The following RIN3 variants were observed in gnomAD, a reference collection of about 807,000 sequenced individuals.
RIN3 encodes the protein RAB5 interacting protein 3.
Under a neutral mutation model 76.3 loss-of-function variants are expected in RIN3, and 54 were observed. That is an observed-to-expected ratio of 0.71 (90% CI 0.57 to 0.89). RIN3 has a LOEUF of 0.89. Among genes scored for constraint, RIN3 ranks in the 40% least tolerant of loss-of-function variants. The probability of loss-of-function intolerance (pLI) is 0.00; values close to 1 mark genes in which losing one functional copy is unlikely to be tolerated. For missense variants in RIN3, 1,256 were observed against 1,322.1 expected, an observed-to-expected ratio of 0.95 and a Z score of 0.78; for synonymous variants, 576 against 564.0, an observed-to-expected ratio of 1.02 and a Z score of -0.30.
At chr14:92,546,150 C>T (rs755077152) in intron 1 of RIN3, among the ~76,000 whole-genome samples, 10 of 152,062 alleles carry the variant, frequency 6.6e-5, no homozygotes, top group Admixed American at 2.6e-4. Context: ...GTCTTGAACT[C>T]GTGACCTCAA....
chr14:92,602,864 T>A (rs551249129), intron 3 of RIN3, among the ~76,000 whole-genome samples: 1 of 152,174 alleles, frequency 6.6e-6, no homozygotes, highest in African/African-American at 2.4e-5. Context: ...TTTCCCCATC[T>A]GTGCCATGGG....
Position 92,651,719 on chromosome 14 carries a change from G to C in RIN3, c.670G>C (p.Glu224Gln), listed in dbSNP as rs150422728. 2.6e-5 allele frequency: 42 copies of C among 1,613,914 alleles called. No homozygotes were observed. The highest frequency in any genetic ancestry group is 4.0e-5 in the African/African-American group (3 of 74,876). The change falls in exon 6 of 10, where the codon GAG (glutamate) becomes CAG (glutamine). Residue 224 changes from glutamate to glutamine, a missense_variant. Transcript: ENST00000216487. ...AHDANCACEI[E>Q]LSVGNDRLWF... Reference sequence around the variant, plus strand: ...TGACGCAAACTGTGCCTGTGAAATCGAGCTGTCGGTAGGAAATGACCGCCT... The same window carrying C: ...TGACGCAAACTGTGCCTGTGAAATCCAGCTGTCGGTAGGAAATGACCGCCT...
intron 1 of RIN3, among the ~76,000 whole-genome samples, chr14:92,525,808 T>A (rs1188698549): frequency 6.6e-6 from 1 of 152,196 alleles, no homozygotes; most frequent in African/African-American, 2.4e-5. Context: ...CCCATCCTTG[T>A]CCCAGGGACC....
rs574146204 is a variant in RIN3 at position 92,688,183 on chromosome 14, G to T, written c.2889G>T (p.Leu963=). ...ACTTCCACTTTGTCTACCGGCCCCTGGACGGTGGTGGCGGCGGCGGCGGCG... is the reference window on the plus strand; with the variant it reads ...ACTTCCACTTTGTCTACCGGCCCCTTGACGGTGGTGGCGGCGGCGGCGGCG... ...KRDFHFVYRP[L]DGGGGGGGGS... Residue 963 remains leucine (L), a synonymous_variant, in exon 10 of 10, where the codon CTG becomes CTT. Transcript: ENST00000216487. 52 of 1,555,396 alleles carry T rather than the reference G, an allele frequency of 3.3e-5. No homozygotes were observed. In the South Asian group the frequency reaches 5.8e-4, roughly 17 times the overall value.
intron 3 of RIN3, among the ~76,000 whole-genome samples, chr14:92,607,327 T>C (rs1885561713): frequency 6.6e-6 from 1 of 152,272 alleles, no homozygotes; most frequent in Non-Finnish European, 1.5e-5. Flanking sequence ...GTGGCCTCTC[T>C]GGAAAGGAGT....
Position 92,653,077 on chromosome 14 carries a change from T to C in RIN3, c.2026+2T>C. 6.3e-7 allele frequency: 1 copy of C among 1,597,896 alleles called. No individual in the cohort carries two copies. The highest frequency in any genetic ancestry group is 8.5e-7 in the Non-Finnish European group (1 of 1,177,200). On this transcript the variant is annotated splice_donor_variant, in intron 6 of 9. Transcript: ENST00000216487. LOFTEE classifies it high-confidence loss of function. ...CCCTGCACTCCGAGGAGGAGCTCGG[T>C]CAGTGCCCTGGGAGGAGGTGGCAGG...
At chr14:92,558,872 T>TTTTTC (rs1332367227) in intron 2 of RIN3, among the ~76,000 whole-genome samples, 3 of 145,054 alleles carry the variant, frequency 2.1e-5, no homozygotes, top group African/African-American at 7.8e-5. Flanking sequence ...TTCCTTTTGT[T>TTTTTC]TTTTCTTTTC....
In RIN3 at chr14:92,639,231, A is replaced by G. The variant is rs77606163; in HGVS notation, c.441-2007A>G. On this transcript the variant is annotated intron_variant, in intron 4 of 9. Coordinates refer to ENST00000216487, the MANE Select transcript of RIN3 (RefSeq NM_024832.5). Reference sequence around the variant, plus strand: ...ATGAGGTGCAGACAGCAAAGCCATGAAGACCCCAGGGAGGAGGTAGCTCTG... The same window carrying G: ...ATGAGGTGCAGACAGCAAAGCCATGGAGACCCCAGGGAGGAGGTAGCTCTG... Among the ~76,000 whole-genome samples, 189 of 152,354 alleles carry G rather than the reference A, an allele frequency of 1.2e-3. 2 individuals are homozygous for G. In the East Asian group the frequency reaches 0.033, roughly 27 times the overall value.
intron 1 of RIN3, among the ~76,000 whole-genome samples, chr14:92,524,455 C>G (rs990239886): frequency 6.6e-6 from 1 of 152,200 alleles, no homozygotes; most frequent in Non-Finnish European, 1.5e-5. Flanking sequence ...ACTTGAATTC[C>G]CCTTTCCAGG....
At chr14:92,636,316 C>T (rs1215864840) in intron 4 of RIN3, among the ~76,000 whole-genome samples, 1 of 152,176 alleles carries the variant, frequency 6.6e-6, no homozygotes, top group African/African-American at 2.4e-5. Context: ...CTGGGCACAG[C>T]GGCTCACGCC....
At chr14:92,527,266 A>G (rs182412157) in intron 1 of RIN3, among the ~76,000 whole-genome samples, 9,964 of 151,486 alleles carry the variant, frequency 0.066, 1,094 homozygotes, top group African/African-American at 0.23. Context: ...GTTAGCCACA[A>G]TGGTCTCGAT....
intron 3 of RIN3, among the ~76,000 whole-genome samples, chr14:92,613,659 G>C (rs1230172166): frequency 2.0e-5 from 3 of 152,166 alleles, no homozygotes; most frequent in African/African-American, 7.2e-5. Context: ...TGTGCGTGTG[G>C]CTTTAGGGAA....
intron 1 of RIN3, among the ~76,000 whole-genome samples, chr14:92,548,869 A>G (rs578172200): frequency 6.6e-6 from 1 of 152,122 alleles, no homozygotes; most frequent in South Asian, 2.1e-4. Flanking sequence ...GACACAATTC[A>G]ACCTCTGAGG....
Position 92,652,189 on chromosome 14 carries a change from G to T in RIN3, c.1140G>T (p.Lys380Asn). The T allele has an allele frequency of 6.2e-7, 1 of 1,605,296 alleles. No individual in the cohort carries two copies. The highest frequency in any genetic ancestry group is 1.1e-5 in the South Asian group (1 of 90,668). ...QVPAPPLPAK[K>N]NLPTAPPRRR... ...CCGCCCCGCCACTGCCTGCGAAGAA[G>T]AACCTTCCCACTGCCCCTCCCAGAC... The change falls in exon 6 of 10, where the codon AAG becomes AAT. Residue 380 changes from lysine (K) to asparagine (N), a missense_variant. Lys to Asn is a moderately conservative substitution (Grantham distance 94). Transcript: ENST00000216487. The surrounding 1 kb of genome is among the most constrained non-coding windows in gnomAD (Gnocchi z 6.4).
At chr14:92,541,183 G>T (rs1897123718) in intron 1 of RIN3, among the ~76,000 whole-genome samples, 1 of 152,206 alleles carries the variant, frequency 6.6e-6, no homozygotes, top group Admixed American at 6.5e-5. Flanking sequence ...TCTTGTAATG[G>T]TTACAGCATT....
At position 92,641,225 on chromosome 14, in the gene RIN3, C is replaced by T. The variant is rs773677484; in HGVS notation, c.441-13C>T. The stretch of plus-strand genomic sequence containing the variant: ...GGACCCAGACATGACTTCTGCCCCT[C>T]GTGTCTTCACAGAGACTTACTGCCC... On this transcript the variant is annotated splice_polypyrimidine_tract_variant and intron_variant, in intron 4 of 9. Transcript: ENST00000216487. 24 of 1,601,456 alleles carry T rather than the reference C, an allele frequency of 1.5e-5. No homozygotes were observed. The highest frequency in any genetic ancestry group is 1.7e-5 in the Non-Finnish European group (20 of 1,168,494).
intron 3 of RIN3, among the ~76,000 whole-genome samples, chr14:92,605,944 A>G (rs1333625397): frequency 1.3e-5 from 2 of 152,178 alleles, no homozygotes; most frequent in East Asian, 3.8e-4. Flanking sequence ...TTATGTGCCT[A>G]CTATTTTCCA....
chr14:92,565,475 A>G (rs570382191), intron 2 of RIN3, among the ~76,000 whole-genome samples: 1 of 152,350 alleles, frequency 6.6e-6, no homozygotes, highest in African/African-American at 2.4e-5. Context: ...CTCCATGGGC[A>G]GAGCAGCAGC....
intron 4 of RIN3, among the ~76,000 whole-genome samples, chr14:92,634,079 T>C (rs1314464547): frequency 2.3e-5 from 2 of 85,888 alleles, no homozygotes; most frequent in Non-Finnish European, 4.5e-5. Context: ...TTTTTTTTTT[T>C]TTTTTTTTTT....
Sources: allele counts gnomAD v4.1 joint callset (sites outside exome capture counted in the v4.1 genomes callset), GRCh38; gene constraint gnomAD v4.1.1; non-coding constraint Gnocchi (gnomAD v3.1); transcripts MANE v1.5; gene names NCBI Gene and HGNC (gene_info 2026-07-23, HGNC 2026-07-21).